Variants in CAPZB observed in about 807,000 individuals in gnomAD.
The protein encoded by CAPZB is capping actin protein of muscle Z-line subunit beta.
CAPZB carries 2 observed loss-of-function variants against 38.1 expected under a neutral mutation model. The ratio of observed to expected loss-of-function variants is 0.05; its 90% CI spans 0.02 to 0.17. The LOEUF is 0.17. Ranked by LOEUF, CAPZB falls within the 10% of genes least tolerant of loss-of-function variation. CAPZB has a pLI of 1.00. For synonymous variants in CAPZB, 107 were observed against 127.4 expected (o/e 0.84, Z 1.08); for missense variants, 161 against 334.2 (o/e 0.48, Z 4.04).
rs1570328746 is a variant in CAPZB, at chr1:19,458,883, C to T, written c.3+26553G>A. Among the ~76,000 whole-genome samples the T allele has an allele frequency of 2.6e-5, 4 of 152,318 alleles. No individual in the cohort carries two copies. The South Asian group carries it at 8.3e-4, about 32-fold the overall frequency. On this transcript the variant is annotated intron_variant, in intron 1 of 8. Transcript: ENST00000264202. ...CAAAGTCAGTTTCACCACATTTAAG[C>T]CCAATTCTGAAAAATGCAGGCAGGC...
chr1:19,357,344 G>A lies in CAPZB; in HGVS notation c.471+78C>T. The A allele has an allele frequency of 3.0e-6, 4 of 1,349,176 alleles. No homozygotes were observed. Among genetic ancestry groups the A allele is most frequent in the Non-Finnish European group, 4.2e-6 (4 of 950,490 alleles). 83.6% of individuals were successfully genotyped at this position (1,349,176 alleles called of 1,614,324 possible). On this transcript the variant is annotated intron_variant, in intron 5 of 8. Coordinates refer to ENST00000264202, the MANE Select transcript of CAPZB (RefSeq NM_004930.5). This position sits in a 1 kb window ranked among gnomAD's most constrained non-coding sequence, Gnocchi z 4.3. The stretch of plus-strand genomic sequence containing the variant: ...ATCACAGCATCCCCCTACTGCATCT[G>A]TTAGAGAGCAGCGCGGCACTGGTTG...
At chr1:19,461,386 A>G (rs949165954) in intron 1 of CAPZB, among the ~76,000 whole-genome samples, 1 of 152,038 alleles carries the variant, frequency 6.6e-6, no homozygotes. Context: ...CTCTCCCCCG[A>G]CCCACCTGCC....
chr1:19,388,441 C>G (rs1178269455), intron 2 of CAPZB, among the ~76,000 whole-genome samples: 1 of 152,074 alleles, frequency 6.6e-6, no homozygotes, highest in Non-Finnish European at 1.5e-5. Context: ...CGGAGCCTCC[C>G]AAACTCCAAT....
At chr1:19,376,724 G>A (rs1376483604) in intron 4 of CAPZB, among the ~76,000 whole-genome samples, 1 of 152,208 alleles carries the variant, frequency 6.6e-6, no homozygotes, top group Non-Finnish European at 1.5e-5. Context: ...TTCCACAATG[G>A]AGTGTGGTGA....
chr1:19,446,475 G>A (rs2094496318), intron 1 of CAPZB, among the ~76,000 whole-genome samples: 1 of 152,122 alleles, frequency 6.6e-6, no homozygotes, highest in Non-Finnish European at 1.5e-5. Flanking sequence ...AGCCTGAAAA[G>A]GTACAAATGG....
At chr1:19,423,969 G>A (rs185899228) in intron 1 of CAPZB, among the ~76,000 whole-genome samples, 33 of 151,822 alleles carry the variant, frequency 2.2e-4, no homozygotes, top group African/African-American at 7.7e-4. Context: ...GAGCCACCAT[G>A]CCCAGCCAAT....
intron 4 of CAPZB, among the ~76,000 whole-genome samples, chr1:19,376,732 T>A (rs138413113): frequency 6.6e-6 from 1 of 152,324 alleles, no homozygotes; most frequent in East Asian, 1.9e-4. Flanking sequence ...TGGAGTGTGG[T>A]GAGGGCAGGG....
rs1242478536 is a variant in CAPZB, at chr1:19,378,647, T to C, written c.222A>G (p.Pro74=). 8 of 1,573,282 alleles carry C rather than the reference T, an allele frequency of 5.1e-6. No individual in the cohort carries two copies. The highest frequency in any genetic ancestry group is 1.3e-5 in the African/African-American group (1 of 74,082). ...YNRDGDSYRS[P]WSNKYDPPLE... ...AGGGAGGGTCATACTTGTTACTCCA[T>C]GGTGACCTGGAGGGAAGGAAGGAAA... Residue 74 remains proline (P), a synonymous_variant, in exon 4 of 9, where the codon CCA becomes CCG. Transcript: ENST00000264202.
At chr1:19,384,156 C>T (rs967088858) in intron 3 of CAPZB, among the ~76,000 whole-genome samples, 3 of 152,170 alleles carry the variant, frequency 2.0e-5, no homozygotes, top group African/African-American at 7.2e-5. Context: ...CAATAAATAA[C>T]CCTGTGCTAA....
chr1:19,392,161 C>T (rs1297313738), intron 2 of CAPZB, among the ~76,000 whole-genome samples: 2 of 148,306 alleles, frequency 1.3e-5, no homozygotes, highest in Non-Finnish European at 3.0e-5. Context: ...GTAGCCTGTG[C>T]GACACAGAGA....
In CAPZB at chr1:19,372,192, C is replaced by G. The variant is rs1217502261; in HGVS notation, c.329+6348G>C. Among the ~76,000 whole-genome samples the G allele has an allele frequency of 2.0e-5, 3 of 152,262 alleles. No homozygotes were observed. In the South Asian group the frequency reaches 6.2e-4, roughly 32 times the overall value. On this transcript the variant is annotated intron_variant, in intron 4 of 8. Transcript: ENST00000264202. ...CCCTCCCACCCTGCTCCTCCACTCC[C>G]CAGACTCTGGCCTTCATTAGGCTTT...
intron 1 of CAPZB, among the ~76,000 whole-genome samples, chr1:19,423,727 A>C (rs1023836993): frequency 3.4e-4 from 52 of 150,994 alleles, no homozygotes; most frequent in African/African-American, 1.2e-3. Flanking sequence ...TCACTTTGTT[A>C]CCCAGGCTGG....
intron 4 of CAPZB, among the ~76,000 whole-genome samples, chr1:19,364,078 G>A (rs1469132421): frequency 6.6e-6 from 1 of 152,256 alleles, no homozygotes; most frequent in Non-Finnish European, 1.5e-5. Context: ...ACAGGCAGCA[G>A]CCAAGTTAGG....
rs193066616 is a variant in CAPZB, at chr1:19,483,554, G to T, written c.3+1882C>A. On this transcript the variant is annotated intron_variant, in intron 1 of 8. Coordinates refer to ENST00000264202, the MANE Select transcript of CAPZB (RefSeq NM_004930.5). The stretch of plus-strand genomic sequence containing the variant: ...CTTTTCAGATGAGAGCTGAGTACAA[G>T]ACTCCTGAGAAGCTTCAGGTGTCAT... Among the ~76,000 whole-genome samples the T allele has an allele frequency of 2.0e-4, 31 of 152,338 alleles. No individual in the cohort carries two copies. In the East Asian group the frequency reaches 5.6e-3, roughly 28 times the overall value.
intron 1 of CAPZB, among the ~76,000 whole-genome samples, chr1:19,450,914 GTTTGTC>G (rs1263899534): frequency 1.3e-5 from 2 of 152,186 alleles, no homozygotes; most frequent in African/African-American, 4.8e-5. Flanking sequence ...CACCACCAAT[GTTTGTC>G]TTTGGAATAA....
chr1:19,442,602 T>TCTCACA (rs956894388), intron 1 of CAPZB, among the ~76,000 whole-genome samples: 9 of 146,126 alleles, frequency 6.2e-5, no homozygotes, highest in African/African-American at 1.5e-4. Context: ...TAGGCAGTTT[T>TCTCACA]CTCACACTCA....
intron 4 of CAPZB, among the ~76,000 whole-genome samples, chr1:19,364,114 G>A (rs760961501): frequency 1.3e-5 from 2 of 152,232 alleles, no homozygotes; most frequent in Non-Finnish European, 2.9e-5. Context: ...AGCTCCATAG[G>A]TGCTGGAACA....
chr1:19,413,261 TC>T (rs1332982974), intron 2 of CAPZB, among the ~76,000 whole-genome samples: 1 of 152,200 alleles, frequency 6.6e-6, no homozygotes. Flanking sequence ...GTGCCTGACT[TC>T]CAGGAGGTGC....
chr1:19,364,111 T>C (rs1051770266), intron 4 of CAPZB, among the ~76,000 whole-genome samples: 5 of 152,230 alleles, frequency 3.3e-5, no homozygotes, highest in African/African-American at 4.8e-5. Flanking sequence ...GTGAGCTCCA[T>C]AGGTGCTGGA....
Sources: allele counts gnomAD v4.1 joint callset (sites outside exome capture counted in the v4.1 genomes callset), GRCh38; gene constraint gnomAD v4.1.1; non-coding constraint Gnocchi (gnomAD v3.1); transcripts MANE v1.5; gene names NCBI Gene and HGNC (gene_info 2026-07-23, HGNC 2026-07-21).